Variants in ABL1 observed in about 807,000 individuals in gnomAD.
ABL1 encodes the protein tyrosine-protein kinase ABL1.
A neutral mutation model predicts 94.7 loss-of-function variants in ABL1; 11 were observed. That is an observed-to-expected ratio of 0.12 (90% CI 0.07 to 0.19). The LOEUF is 0.19. Among genes scored for constraint, ABL1 ranks in the 10% least tolerant of loss-of-function variants. The pLI, the probability that ABL1 is intolerant of heterozygous loss-of-function variation, is 1.00. For synonymous variants in ABL1, 656 were observed against 622.4 expected (o/e 1.05, Z -0.80); for missense variants, 1,082 against 1,489.4 (o/e 0.73, Z 4.50).
rs557526828 is a variant in ABL1, at chr9:130,872,639, C to T, written c.908-221C>T. Among the ~76,000 whole-genome samples the T allele has an allele frequency of 2.6e-5, 4 of 152,258 alleles. No homozygotes were observed. The highest frequency in any genetic ancestry group is 2.1e-4 in the South Asian group (1 of 4,828). On this transcript the variant is annotated intron_variant, in intron 5 of 10. Transcript: ENST00000318560. This position sits in a 1 kb window ranked among gnomAD's most constrained non-coding sequence, Gnocchi z 5.0. ...TGAATTCTGTGGCAGCCTCTCCCTG[C>T]GTAAATTCAAGTTCACTGGCTTGAG...
In ABL1 at chr9:130,773,617, C is replaced by G. The variant is rs115822398; in HGVS notation, c.136+59162C>G. ...GGGACTATAGGTGTGGGCCATCATG[C>G]CTGGCTAACTCTTTTTTTTTTTTTT... On this transcript the variant is annotated intron_variant, in intron 1 of 10. Coordinates refer to the ABL1 transcript ENST00000372348. 7.4e-3 allele frequency among the ~76,000 whole-genome samples: 1,108 copies of G among 150,540 alleles called. 17 individuals carry two copies. Among genetic ancestry groups the G allele is most frequent in the African/African-American group, 0.026 (1,048 of 41,046 alleles).
At chr9:130,850,283 G>A (rs1026161562) in intron 1 of ABL1, among the ~76,000 whole-genome samples, 1 of 152,196 alleles carries the variant, frequency 6.6e-6, no homozygotes, top group Admixed American at 6.5e-5. Context: ...AGTAAAGGAA[G>A]ATAAATTTAA....
At chr9:130,849,528 G>T (rs3847191) in intron 1 of ABL1, among the ~76,000 whole-genome samples, 23,339 of 150,910 alleles carry the variant, frequency 0.15, 1,942 homozygotes, top group African/African-American at 0.21. Context: ...AATTTTTTTT[G>T]TTTTTTTTTG....
chr9:130,754,475 TC>T (rs763891062), intron 1 of ABL1, among the ~76,000 whole-genome samples: 249 of 125,064 alleles, frequency 2.0e-3, no homozygotes, highest in Middle Eastern at 6.0e-3. Context: ...GCCACTGCAC[TC>T]CAGCCTGGGC....
At chr9:130,864,191 G>GT (rs1831119855) in intron 4 of ABL1, among the ~76,000 whole-genome samples, 1 of 152,194 alleles carries the variant, frequency 6.6e-6, no homozygotes, top group African/African-American at 2.4e-5. Flanking sequence ...TGGCACTGGG[G>GT]TGGGGGCATG....
intron 3 of ABL1, among the ~76,000 whole-genome samples, chr9:130,858,694 A>G (rs79368101): frequency 5.0e-4 from 76 of 152,292 alleles, no homozygotes; most frequent in African/African-American, 1.8e-3. Context: ...ACTTCGATGC[A>G]ATCCTTTTTG....
At chr9:130,783,428 C>G (rs148354978) in intron 1 of ABL1, among the ~76,000 whole-genome samples, 1 of 152,074 alleles carries the variant, frequency 6.6e-6, no homozygotes, top group Admixed American at 6.5e-5. Context: ...ATTCTGATAA[C>G]GGGGGACCAA....
intron 1 of ABL1, among the ~76,000 whole-genome samples, chr9:130,722,029 G>A (rs907970512): frequency 6.6e-6 from 1 of 151,318 alleles, no homozygotes; most frequent in African/African-American, 2.4e-5. Context: ...TGATCTACCT[G>A]GCTCGACCTC....
chr9:130,774,714 C>T (rs185223435), intron 1 of ABL1, among the ~76,000 whole-genome samples: 1 of 152,090 alleles, frequency 6.6e-6, no homozygotes, highest in East Asian at 1.9e-4. Context: ...GGCATGGTGG[C>T]GTGCATCTAT....
intron 1 of ABL1, among the ~76,000 whole-genome samples, chr9:130,716,333 G>A (rs558581160): frequency 2.6e-5 from 4 of 152,106 alleles, no homozygotes; most frequent in Non-Finnish European, 5.9e-5. Context: ...TTGACCTCAG[G>A]TGATCCACCC....
intron 1 of ABL1, among the ~76,000 whole-genome samples, chr9:130,816,010 C>T (rs1042966311): frequency 3.3e-5 from 5 of 152,288 alleles, no homozygotes; most frequent in Admixed American, 6.5e-5. Context: ...AAGAGTGAGA[C>T]TCTGTCTCAA....
At position 130,713,485 on chromosome 9, in the gene ABL1, G is replaced by A. The variant is rs558623390; in HGVS notation, c.-835G>A. On this transcript the variant is annotated 5_prime_UTR_variant, in exon 1 of 11. Coordinates refer to the ABL1 transcript ENST00000372348. Reference sequence around the variant, plus strand: ...TGCCGCGCCCCGACAGCTTCCCTCAGCCCCAAGCCGCCCCTTATTCCGGAT... The same window carrying A: ...TGCCGCGCCCCGACAGCTTCCCTCAACCCCAAGCCGCCCCTTATTCCGGAT... Among the ~76,000 whole-genome samples, 3 of 148,980 alleles carry A rather than the reference G, an allele frequency of 2.0e-5. No homozygotes were observed. In the South Asian group the frequency reaches 6.4e-4, roughly 32 times the overall value.
At chr9:130,782,777 G>A (rs896632547) in intron 1 of ABL1, among the ~76,000 whole-genome samples, 9 of 152,236 alleles carry the variant, frequency 5.9e-5, no homozygotes, top group African/African-American at 2.4e-5. Flanking sequence ...TTCGTGGGAA[G>A]TTGTGGAATT....
intron 1 of ABL1, among the ~76,000 whole-genome samples, chr9:130,793,901 A>G (rs1367395892): frequency 6.6e-6 from 1 of 152,180 alleles, no homozygotes; most frequent in Non-Finnish European, 1.5e-5. Flanking sequence ...TGTGAACAGT[A>G]CATGCGATGG....
intron 1 of ABL1, among the ~76,000 whole-genome samples, chr9:130,728,778 G>A (rs1226251434): frequency 1.3e-5 from 2 of 151,806 alleles, no homozygotes; most frequent in African/African-American, 2.4e-5. Context: ...AATCCTAGAA[G>A]GTATTTGTAA....
chr9:130,741,223 G>A (rs1831812785), intron 1 of ABL1, among the ~76,000 whole-genome samples: 1 of 152,118 alleles, frequency 6.6e-6, no homozygotes. Context: ...TGCTAGTCAT[G>A]GTGCTGCCTG....
rs560865850 is a variant in ABL1, at chr9:130,738,004, G to T, written c.136+23549G>T. On this transcript the variant is annotated intron_variant, in intron 1 of 10. Transcript: ENST00000372348. ...CACCGCCACACCCAGCTAATTTTTT[G>T]CGTTTTTAATAGAGATAGGGTTTCA... is the stretch of plus-strand genomic sequence containing the variant. Among the ~76,000 whole-genome samples the T allele has an allele frequency of 8.6e-4, 130 of 151,874 alleles. 2 individuals carry two copies. Among genetic ancestry groups the T allele is most frequent in the African/African-American group, 3.1e-3 (127 of 41,418 alleles).
At chr9:130,744,031 A>G (rs1831852694) in intron 1 of ABL1, among the ~76,000 whole-genome samples, 1 of 151,812 alleles carries the variant, frequency 6.6e-6, no homozygotes, top group East Asian at 1.9e-4. Context: ...CAAACATTTT[A>G]TCTTTAAAAC....
chr9:130,885,522 A>T lies in ABL1; in HGVS notation c.3232A>T (p.Arg1078Trp), dbSNP rs1831564091. 1 of 1,614,048 alleles carries T rather than the reference A, an allele frequency of 6.2e-7. No homozygotes were observed. The highest frequency in any genetic ancestry group is 1.1e-5 in the South Asian group (1 of 91,090). ...CTATGTGGATTCCATCCAGCAAATG[A>T]GGAACAAGTTTGCCTTCCGAGAGGC... ...VSYVDSIQQM[R>W]NKFAFREAIN... Residue 1078 changes from arginine to tryptophan, a missense_variant, in exon 11 of 11, where the codon AGG (arginine) becomes TGG (tryptophan). Physicochemically the swap from Arg to Trp is moderately radical, Grantham distance 101. Transcript: ENST00000318560.
Sources: gnomAD v4.1 joint callset for allele counts (sites outside exome capture counted in the v4.1 genomes callset) on GRCh38, gnomAD v4.1.1 for gene constraint, Gnocchi (gnomAD v3.1) non-coding constraint, MANE v1.5 for transcripts, NCBI Gene and HGNC (gene_info 2026-07-23, HGNC 2026-07-21) for gene names.